ZNF423: variants seen among roughly 807,000 people sequenced by gnomAD.
ZNF423 encodes zinc finger protein 423.
Under a neutral mutation model 95.8 loss-of-function variants are expected in ZNF423, and 12 were observed. The ratio of observed to expected loss-of-function variants is 0.13; its 90% CI spans 0.08 to 0.20. The LOEUF (loss-of-function observed/expected upper bound fraction) is 0.20. Ranked by LOEUF, ZNF423 falls within the 10% of genes least tolerant of loss-of-function variation. The pLI is 1.00. For synonymous variants in ZNF423, 749 were observed against 711.9 expected, an observed-to-expected ratio of 1.05 and a Z score of -0.83; for missense variants, 1,316 against 1,737.1, an observed-to-expected ratio of 0.76 and a Z score of 4.31.
At chr16:49,791,416 C>T (rs2034411809) in intron 1 of ZNF423, among the ~76,000 whole-genome samples, 1 of 152,236 alleles carries the variant, frequency 6.6e-6, no homozygotes, top group African/African-American at 2.4e-5. Flanking sequence ...ACGGAAGGAG[C>T]TGTTGTTAAC....
rs1359312770 is a variant in ZNF423, at chr16:49,638,868, TCAC to T, written c.305_307del (p.Gly102del). ...CACCCAGGAGAGTTGTGGGTCGTCA[TCAC>T]CATCTGCAAGAGAAGGCAGAGAGGA... On this transcript the variant is annotated inframe_deletion, in exon 4 of 8. Transcript: ENST00000563137. This position sits in a 1 kb window ranked among gnomAD's most constrained non-coding sequence, Gnocchi z 5.6. 6.2e-7 allele frequency: 1 copy of T among 1,602,948 alleles called. No individual in the cohort carries two copies. The highest frequency in any genetic ancestry group is 8.5e-7 in the Non-Finnish European group (1 of 1,173,218).
At chr16:49,841,751 C>T (rs183348845) in intron 1 of ZNF423, among the ~76,000 whole-genome samples, 24 of 152,356 alleles carry the variant, frequency 1.6e-4, no homozygotes, top group Admixed American at 3.9e-4. Flanking sequence ...TTCCTGAGGA[C>T]GTGGCCTCCT....
intron 5 of ZNF423, among the ~76,000 whole-genome samples, chr16:49,580,528 G>A (rs1466440986): frequency 2.6e-5 from 4 of 152,152 alleles, no homozygotes; most frequent in African/African-American, 9.7e-5. Flanking sequence ...AAGAACACAG[G>A]CCTTCCAGTT....
upstream of ZNF423, among the ~76,000 whole-genome samples, chr16:49,858,580 C>G (rs2035396918): frequency 6.6e-6 from 1 of 152,140 alleles, no homozygotes; most frequent in Non-Finnish European, 1.5e-5. This position sits in a 1 kb window ranked among gnomAD's most constrained non-coding sequence, Gnocchi z 4.3. Context: ...AGGCCAGGAC[C>G]GAGACGTCCC....
chr16:49,618,866 G>T (rs1166399191), intron 5 of ZNF423, among the ~76,000 whole-genome samples: 1 of 151,986 alleles, frequency 6.6e-6, no homozygotes, highest in Middle Eastern at 3.2e-3. Flanking sequence ...AGCAAATCCT[G>T]CTGGTTATGT....
At chr16:49,632,190 G>C (rs563738683) in intron 4 of ZNF423, among the ~76,000 whole-genome samples, 1 of 152,158 alleles carries the variant, frequency 6.6e-6, no homozygotes, top group Non-Finnish European at 1.5e-5. Flanking sequence ...TAAACAGAGG[G>C]GGAGGTGGAA....
At chr16:49,700,669 A>T (rs1395987796) in intron 3 of ZNF423, among the ~76,000 whole-genome samples, 2 of 152,198 alleles carry the variant, frequency 1.3e-5, no homozygotes, top group African/African-American at 4.8e-5. Flanking sequence ...TGAATCAATG[A>T]TGCAATTGCT....
intron 2 of ZNF423, among the ~76,000 whole-genome samples, chr16:49,775,455 A>G (rs2034105300): frequency 2.0e-5 from 3 of 152,168 alleles, no homozygotes; most frequent in Admixed American, 2.0e-4. Flanking sequence ...CCACCTCGAC[A>G]GCCTTTCATT....
rs1266612416 is a variant in ZNF423 at position 49,621,003 on chromosome 16, C to T, written c.3601+5167G>A. ...ACCAGCTTCCTCTGGGCCAAGCCCC[C>T]CATAAGCCTCCCTCTCTCTCCTTCA... On this transcript the variant is annotated intron_variant, in intron 5 of 7. Transcript: ENST00000563137. 5.9e-5 allele frequency among the ~76,000 whole-genome samples: 9 copies of T among 152,324 alleles called. No individual in the cohort carries two copies. The South Asian group carries it at 1.9e-3, about 32-fold the overall frequency.
At chr16:49,823,586 A>AT (rs1443236523) in intron 1 of ZNF423, among the ~76,000 whole-genome samples, 1 of 152,042 alleles carries the variant, frequency 6.6e-6, no homozygotes, top group African/African-American at 2.4e-5. Flanking sequence ...TTGTTTTAAT[A>AT]TTTTTTCAAA....
intron 1 of ZNF423, among the ~76,000 whole-genome samples, chr16:49,825,664 G>T (rs2034997702): frequency 6.6e-6 from 1 of 152,174 alleles, no homozygotes; most frequent in Admixed American, 6.5e-5. Flanking sequence ...AGTCTAATAT[G>T]AAGCAATTAA....
intron 5 of ZNF423, among the ~76,000 whole-genome samples, chr16:49,542,072 A>G (rs1969268931): frequency 6.6e-6 from 1 of 152,210 alleles, no homozygotes; most frequent in African/African-American, 2.4e-5. Context: ...CTCTCTATCT[A>G]TAACTGGAAA....
intron 7 of ZNF423, among the ~76,000 whole-genome samples, chr16:49,514,966 T>A (rs1295073291): frequency 1.3e-5 from 2 of 152,258 alleles, no homozygotes; most frequent in African/African-American, 4.8e-5. Context: ...AGAAGTTCTA[T>A]GTCTAAAAAG....
rs1968189513 is a variant in ZNF423 at position 49,517,354 on chromosome 16, A to G, written c.3849+6270T>C. Reference sequence around the variant, plus strand: ...AAAAGTCTTGGAGCCACCTGAAGCAATAAGAACCCCTCCAGGACCCAGAGT... The same window carrying G: ...AAAAGTCTTGGAGCCACCTGAAGCAGTAAGAACCCCTCCAGGACCCAGAGT... On this transcript the variant is annotated intron_variant, in intron 7 of 7. Coordinates refer to ENST00000563137, the MANE Select transcript of ZNF423 (RefSeq NM_001379286.1). Among the ~76,000 whole-genome samples, 5 of 152,200 alleles carry G rather than the reference A, an allele frequency of 3.3e-5. No homozygotes were observed. The South Asian group carries it at 6.2e-4, about 19-fold the overall frequency.
chr16:49,640,558 T>G lies in ZNF423; in HGVS notation c.302-1684A>C, dbSNP rs557183062. Among the ~76,000 whole-genome samples the G allele has an allele frequency of 2.4e-3, 369 of 152,232 alleles. 1 individual carries two copies. The highest frequency in any genetic ancestry group is 8.6e-3 in the African/African-American group (358 of 41,536). ...GGGGTCTTGAGGGGTCCCTCACAGCTGGGGCTGAGCCTGGTCCTAGGCCCC... is the reference window on the plus strand; with the variant it reads ...GGGGTCTTGAGGGGTCCCTCACAGCGGGGGCTGAGCCTGGTCCTAGGCCCC... On this transcript the variant is annotated intron_variant, in intron 3 of 7. Transcript: ENST00000563137.
At chr16:49,738,847 C>T (rs149517970) in intron 2 of ZNF423, among the ~76,000 whole-genome samples, 2 of 152,054 alleles carry the variant, frequency 1.3e-5, no homozygotes, top group African/African-American at 2.4e-5. Flanking sequence ...AAAGCAGAAC[C>T]ACCAGGCGCC....
At chr16:49,632,543 C>T (rs1596749707) in intron 4 of ZNF423, among the ~76,000 whole-genome samples, 1 of 152,280 alleles carries the variant, frequency 6.6e-6, no homozygotes. Flanking sequence ...TCCCTGCTCA[C>T]ACAAGGCCCA....
intron 7 of ZNF423, among the ~76,000 whole-genome samples, chr16:49,495,349 G>A (rs185820215): frequency 9.2e-5 from 14 of 152,268 alleles, no homozygotes; most frequent in African/African-American, 3.1e-4. Context: ...GCATGGGCCC[G>A]GGCACAGAAA....
chr16:49,769,057 C>T (rs569103721), intron 2 of ZNF423, among the ~76,000 whole-genome samples: 4 of 152,274 alleles, frequency 2.6e-5, no homozygotes, highest in South Asian at 4.1e-4. Context: ...GAGACAAACT[C>T]TTTTCAACCT....
Sources: allele counts gnomAD v4.1 joint callset (sites outside exome capture counted in the v4.1 genomes callset), GRCh38; gene constraint gnomAD v4.1.1; non-coding constraint Gnocchi (gnomAD v3.1); transcripts MANE v1.5; gene names NCBI Gene and HGNC (gene_info 2026-07-23, HGNC 2026-07-21).